Variants in MAK observed in about 807,000 individuals in gnomAD.
MAK encodes serine/threonine-protein kinase MAK.
MAK carries 65 observed loss-of-function variants against 82.6 expected under a neutral mutation model. The observed-to-expected ratio is 0.79, with a 90% CI of 0.64 to 0.97. The LOEUF (loss-of-function observed/expected upper bound fraction) is 0.97, where lower values mean the gene tolerates loss of function less well. MAK is among the 50% of genes least tolerant of loss of function. The pLI, the probability that MAK is intolerant of heterozygous loss-of-function variation, is 0.00. For synonymous variants in MAK, 250 were observed against 274.2 expected (o/e 0.91, Z 0.87); for missense variants, 703 against 780.2 (o/e 0.90, Z 1.18).
At chr6:10,803,676 G>T (rs1776186629) in intron 7 of MAK, 44 bp downstream of exon 7, 5 of 1,528,134 alleles carry the variant, frequency 3.3e-6, no homozygotes, top group South Asian at 1.1e-5. Context: ...TAGCAAGATA[G>T]AAATAATCAA....
At chr6:10,827,317 T>C (rs1429463407) in intron 2 of MAK, among the ~76,000 whole-genome samples, 1 of 152,172 alleles carries the variant, frequency 6.6e-6, no homozygotes, top group East Asian at 1.9e-4. Context: ...GGTGTATCTT[T>C]CCAGGCCTTT....
At chr6:10,810,643 T>A (rs1371655147) in intron 5 of MAK, among the ~76,000 whole-genome samples, 1 of 151,652 alleles carries the variant, frequency 6.6e-6, no homozygotes, top group Non-Finnish European at 1.5e-5. Flanking sequence ...CCAGCTGGGG[T>A]TGGGAAGCCT....
At chr6:10,782,222 A>G (rs985532851) in intron 11 of MAK, among the ~76,000 whole-genome samples, 18 of 145,722 alleles carry the variant, frequency 1.2e-4, no homozygotes, top group African/African-American at 5.0e-4. Context: ...ACACACACAC[A>G]CACACACACA....
intron 7 of MAK, 110 bp downstream of exon 7, chr6:10,803,610 A>G (rs1256860709): frequency 1.2e-6 from 1 of 847,190 alleles, no homozygotes; most frequent in Non-Finnish European, 1.9e-6. Flanking sequence ...AAATGAAAAT[A>G]TCAGATATCT....
chr6:10,765,523 G>C (rs374501532), intron 14 of MAK, among the ~76,000 whole-genome samples: 1 of 147,464 alleles, frequency 6.8e-6, no homozygotes, highest in South Asian at 2.1e-4. Context: ...GCAATGGTGC[G>C]ATCTCGGCTC....
chr6:10,798,114 C>CTTTTTTTTTT (rs554907132), intron 8 of MAK: 1 of 138,284 alleles, frequency 7.2e-6, no homozygotes, highest in Admixed American at 7.8e-5. Context: ...CAACTCTTCC[C>CTTTTTTTTTT]TTTTTTTTTT....
chr6:10,818,846 T>G, intron 3 of MAK, 40 bp downstream of exon 3: 1 of 1,115,144 alleles, frequency 9.0e-7, no homozygotes, highest in Non-Finnish European at 1.4e-6. Flanking sequence ...TCAGGTAGTG[T>G]TAAGGCCTTC....
At position 10,787,464 on chromosome 6, in the gene MAK, G is replaced by T. The variant is rs568228113; in HGVS notation, c.1317-2892C>A. Among the ~76,000 whole-genome samples, 13 of 152,166 alleles carry T rather than the reference G, an allele frequency of 8.5e-5. No individual in the cohort carries two copies. The East Asian group carries it at 2.5e-3, about 29-fold the overall frequency. On this transcript the variant is annotated intron_variant, in intron 10 of 14. Coordinates refer to ENST00000354489, the MANE Select transcript of MAK (RefSeq NM_001242957.3). ...TATGAAAATTATAAAGTTTAGGCAG[G>T]AGCTTAACAGATGGTAGTATATTAA...
At chr6:10,806,870 T>C (rs1428251886) in intron 6 of MAK, among the ~76,000 whole-genome samples, 3 of 152,124 alleles carry the variant, frequency 2.0e-5, no homozygotes, top group African/African-American at 4.8e-5. Context: ...ATGCTTCTTG[T>C]ACAGCCTGCA....
intron 10 of MAK, among the ~76,000 whole-genome samples, chr6:10,789,340 A>G (rs1011757425): frequency 1.3e-5 from 2 of 152,132 alleles, no homozygotes; most frequent in South Asian, 4.1e-4. Flanking sequence ...GCATTTTAGT[A>G]TATTTGAAAG....
At position 10,793,103 on chromosome 6, in the gene MAK, G is replaced by C. The variant is rs1775221122; in HGVS notation, c.1144-1256C>G. ...TTGCAAACTCCACATCAGTAAGTTT[G>C]GTAGAGGATGAGGGCAAAGATTCTA... is the stretch of plus-strand genomic sequence containing the variant. On this transcript the variant is annotated intron_variant, in intron 9 of 14. Coordinates refer to ENST00000354489, the MANE Select transcript of MAK (RefSeq NM_001242957.3). This position sits in a 1 kb window ranked among gnomAD's most constrained non-coding sequence, Gnocchi z 4.6. 6.6e-6 allele frequency among the ~76,000 whole-genome samples: 1 copy of C among 152,172 alleles called. No homozygotes were observed. The highest frequency in any genetic ancestry group is 6.5e-5 in the Admixed American group (1 of 15,272).
At chr6:10,766,050 C>A (rs1261759623) in intron 14 of MAK, among the ~76,000 whole-genome samples, 3 of 152,180 alleles carry the variant, frequency 2.0e-5, no homozygotes, top group Non-Finnish European at 1.5e-5. Context: ...CTTTCCTCAC[C>A]TCGAATTGAG....
chr6:10,808,098 C>G (rs927924794), intron 6 of MAK, among the ~76,000 whole-genome samples: 1 of 152,072 alleles, frequency 6.6e-6, no homozygotes, highest in African/African-American at 2.4e-5. Flanking sequence ...CTATCAGCAC[C>G]CAGAAGGCCC....
rs1655456661 is a variant in MAK at position 10,800,382 on chromosome 6, T to C, written c.831+1510A>G. 6.6e-6 allele frequency among the ~76,000 whole-genome samples: 1 copy of C among 152,208 alleles called. No individual in the cohort carries two copies. The highest frequency in any genetic ancestry group is 1.5e-5 in the Non-Finnish European group (1 of 68,036). On this transcript the variant is annotated intron_variant, in intron 8 of 14. Coordinates refer to ENST00000354489, the MANE Select transcript of MAK (RefSeq NM_001242957.3). The surrounding 1 kb of genome is among the most constrained non-coding windows in gnomAD (Gnocchi z 4.2). ...ATCTTTCCATTTTAAGATTTTTACA[T>C]AGAGAAAAATTTTACTTTTTATGTA...
chr6:10,800,832 C>T lies in MAK; in HGVS notation c.831+1060G>A, dbSNP rs1308249214. On this transcript the variant is annotated intron_variant, in intron 8 of 14. Coordinates refer to ENST00000354489, the MANE Select transcript of MAK (RefSeq NM_001242957.3). The surrounding 1 kb of genome is among the most constrained non-coding windows in gnomAD (Gnocchi z 4.2). ...TCCAGCCTGGGCAACAAGAGTGAAA[C>T]TCCATCTCAACAACAACAACAAAAT... 6.9e-6 allele frequency among the ~76,000 whole-genome samples: 1 copy of T among 144,960 alleles called. No individual in the cohort carries two copies. Among genetic ancestry groups the T allele is most frequent in the East Asian group, 2.1e-4 (1 of 4,686 alleles).
In MAK at chr6:10,764,324, C is replaced by G. The variant is rs1394958045; in HGVS notation, c.*128G>C. 9.8e-7 allele frequency: 1 copy of G among 1,024,608 alleles called. No individual in the cohort carries two copies. Among genetic ancestry groups the G allele is most frequent in the Non-Finnish European group, 1.4e-6 (1 of 704,112 alleles). The allele number at this position is 1,024,608 out of a possible 1,614,324, so 63.5% of individuals were successfully genotyped here. On this transcript the variant is annotated 3_prime_UTR_variant, in exon 15 of 15. Coordinates refer to ENST00000354489, the MANE Select transcript of MAK (RefSeq NM_001242957.3). Reference sequence around the variant, plus strand: ...AAAATAGGGGATGATTTTTGCCCTTCCAAGTACCCACTTTTGCATATTTCT... The same window carrying G: ...AAAATAGGGGATGATTTTTGCCCTTGCAAGTACCCACTTTTGCATATTTCT...
In MAK at chr6:10,764,582, C is replaced by G; in HGVS notation, c.1817G>C (p.Gly606Ala). ...ASEYTWNTKT[G>A]RGQFSGRTYN... ...AGTACGTCCTGAAAACTGCCCCCGA[C>G]CAGTTTTTGTGTTCCAGGTATATTC... Residue 606 changes from glycine (G) to alanine (A), a missense_variant, in exon 15 of 15, where the codon GGT (glycine) becomes GCT (alanine). Transcript: ENST00000354489. 6.2e-7 allele frequency: 1 copy of G among 1,613,856 alleles called. No individual in the cohort carries two copies. The highest frequency in any genetic ancestry group is 1.1e-5 in the South Asian group (1 of 91,082).
intron 7 of MAK, among the ~76,000 whole-genome samples, chr6:10,803,011 A>T (rs1417218645): frequency 6.6e-6 from 1 of 152,220 alleles, no homozygotes; most frequent in African/African-American, 2.4e-5. Context: ...TTAAGAAAAA[A>T]CAAGGTTCAA....
chr6:10,801,987 A>G lies in MAK; in HGVS notation c.736T>C (p.Leu246=). Residue 246 remains leucine (L), a synonymous_variant, in exon 8 of 15, where the codon TTA becomes CTA. Transcript: ENST00000354489. ...FRFPQCVPIN[L]KTLIPNASNE... Reference sequence around the variant, plus strand: ...CTGGCATTGGGAATAAGAGTTTTTAAGTTTATAGGAACACACTGGGGAAAA... The same window carrying G: ...CTGGCATTGGGAATAAGAGTTTTTAGGTTTATAGGAACACACTGGGGAAAA... The G allele has an allele frequency of 1.9e-6, 3 of 1,614,160 alleles. No individual in the cohort carries two copies. The highest frequency in any genetic ancestry group is 2.5e-6 in the Non-Finnish European group (3 of 1,180,000).
Sources: allele counts gnomAD v4.1 joint callset (sites outside exome capture counted in the v4.1 genomes callset), GRCh38; gene constraint gnomAD v4.1.1; non-coding constraint Gnocchi (gnomAD v3.1); transcripts MANE v1.5; gene names NCBI Gene and HGNC (gene_info 2026-07-23, HGNC 2026-07-21).